NOL4: variants seen among roughly 807,000 people sequenced by gnomAD.
NOL4 encodes nucleolar protein 4.
Under a neutral mutation model 75.9 loss-of-function variants are expected in NOL4, and 17 were observed. The observed-to-expected ratio is 0.22, with a 90% CI of 0.15 to 0.34. NOL4 has a LOEUF of 0.34. Ranked by LOEUF, NOL4 falls within the 10% of genes least tolerant of loss-of-function variation. The pLI, the probability that NOL4 is intolerant of heterozygous loss-of-function variation, is 1.00. For missense variants in NOL4, 614 were observed against 793.5 expected (o/e 0.77, Z 2.72); for synonymous variants, 292 against 289.9 (o/e 1.01, Z -0.07).
At chr18:34,088,123 C>T (rs141032714) in intron 5 of NOL4, among the ~76,000 whole-genome samples, 84 of 151,856 alleles carry the variant, frequency 5.5e-4, no homozygotes, top group African/African-American at 1.6e-3. Context: ...TACAAAATAT[C>T]AATAGTTTAC....
chr18:33,933,638 C>T lies in NOL4; in HGVS notation c.1542+9427G>A, dbSNP rs1300481091. 2.0e-5 allele frequency among the ~76,000 whole-genome samples: 3 copies of T among 152,156 alleles called. No individual in the cohort carries two copies. The South Asian group carries it at 6.2e-4, about 32-fold the overall frequency. ...TCTATCTCAAGAAACCACTTTTACG[C>T]TCAGCTATAAAAAGCAACTTTTCAT... On this transcript the variant is annotated intron_variant, in intron 9 of 10. Transcript: ENST00000261592.
chr18:34,179,489 G>T (rs1355987152), intron 1 of NOL4, among the ~76,000 whole-genome samples: 1 of 150,548 alleles, frequency 6.6e-6, no homozygotes, highest in Admixed American at 6.6e-5. Flanking sequence ...TTTAAAGAAA[G>T]AAAATACTCA....
intron 5 of NOL4, among the ~76,000 whole-genome samples, chr18:34,035,112 T>C (rs2075826004): frequency 6.6e-6 from 1 of 152,042 alleles, no homozygotes; most frequent in Non-Finnish European, 1.5e-5. Context: ...CAAATAAACC[T>C]AACAGACATT....
chr18:33,947,582 T>C (rs548672164), intron 8 of NOL4, among the ~76,000 whole-genome samples: 2 of 151,080 alleles, frequency 1.3e-5, no homozygotes, highest in African/African-American at 4.9e-5. Context: ...TCTTTCTCTA[T>C]CTATATCTTA....
At chr18:33,982,037 G>A (rs2072003652) in intron 6 of NOL4, among the ~76,000 whole-genome samples, 1 of 151,870 alleles carries the variant, frequency 6.6e-6, no homozygotes, top group Non-Finnish European at 1.5e-5. Flanking sequence ...ACTAGAAACA[G>A]TAAAAATAAA....
chr18:34,145,127 C>T (rs2081344826), intron 1 of NOL4, among the ~76,000 whole-genome samples: 1 of 151,998 alleles, frequency 6.6e-6, no homozygotes. Context: ...GGATAGTTTG[C>T]ATGCATTTTC....
At chr18:33,872,558 C>T (rs1034720629) in intron 10 of NOL4, among the ~76,000 whole-genome samples, 1 of 151,862 alleles carries the variant, frequency 6.6e-6, no homozygotes, top group Non-Finnish European at 1.5e-5. Context: ...GACAAAATGA[C>T]CCAAAGGCCA....
At chr18:34,112,031 G>A (rs567590129) in intron 2 of NOL4, among the ~76,000 whole-genome samples, 1 of 152,114 alleles carries the variant, frequency 6.6e-6, no homozygotes, top group Non-Finnish European at 1.5e-5. Flanking sequence ...AGAGATATCT[G>A]CACTCCTATG....
chr18:34,005,060 ATCTT>A (rs2073958803), intron 6 of NOL4, among the ~76,000 whole-genome samples: 1 of 152,124 alleles, frequency 6.6e-6, no homozygotes, highest in Non-Finnish European at 1.5e-5. Context: ...TACCAACTTT[ATCTT>A]ATATTTTATT....
At chr18:33,883,219 A>C (rs758482888) in intron 10 of NOL4, 25 bp downstream of exon 10, 8 of 1,537,552 alleles carry the variant, frequency 5.2e-6, no homozygotes, top group East Asian at 2.3e-5. Context: ...TTAAAAAAAA[A>C]ACACAATCTA....
intron 6 of NOL4, among the ~76,000 whole-genome samples, chr18:33,987,928 A>C (rs150281886): frequency 6.6e-6 from 1 of 152,174 alleles, no homozygotes; most frequent in Non-Finnish European, 1.5e-5. Flanking sequence ...GTGAAGTGAA[A>C]GCACCCTCCC....
At chr18:34,024,192 A>ATATATATATAT (rs1215950663) in intron 5 of NOL4, among the ~76,000 whole-genome samples, 3 of 76,170 alleles carry the variant, frequency 3.9e-5, no homozygotes, top group Non-Finnish European at 8.8e-5. Context: ...AAAAAAAAAA[A>ATATATATATAT]AAATATATAT....
chr18:34,051,934 T>G (rs2076640998), intron 5 of NOL4, among the ~76,000 whole-genome samples: 1 of 151,784 alleles, frequency 6.6e-6, no homozygotes, highest in African/African-American at 2.4e-5. Flanking sequence ...TAATGCAAAT[T>G]GATAAGGGCC....
chr18:34,028,357 A>T (rs1473202182), intron 5 of NOL4, among the ~76,000 whole-genome samples: 1 of 152,218 alleles, frequency 6.6e-6, no homozygotes, highest in African/African-American at 2.4e-5. Context: ...CAGGATCCTT[A>T]TTTAGTGGTT....
chr18:33,997,062 TA>T (rs1432258823), intron 6 of NOL4, among the ~76,000 whole-genome samples: 2 of 151,964 alleles, frequency 1.3e-5, no homozygotes, highest in Non-Finnish European at 2.9e-5. Context: ...TTTCTGTTGA[TA>T]ATTTATTTTG....
intron 6 of NOL4, among the ~76,000 whole-genome samples, chr18:33,974,758 A>G (rs2071360847): frequency 6.7e-6 from 1 of 150,250 alleles, no homozygotes; most frequent in Non-Finnish European, 1.5e-5. Context: ...TTAAATTTGC[A>G]AAAAAAAAAT....
chr18:34,069,954 C>T (rs906707093), intron 5 of NOL4, among the ~76,000 whole-genome samples: 2 of 152,222 alleles, frequency 1.3e-5, no homozygotes, highest in African/African-American at 4.8e-5. Flanking sequence ...ATAAGATACC[C>T]CAGTTCTAGG....
intron 5 of NOL4, among the ~76,000 whole-genome samples, chr18:34,074,703 A>G (rs1305246568): frequency 6.6e-6 from 1 of 152,082 alleles, no homozygotes; most frequent in Non-Finnish European, 1.5e-5. Context: ...ATAAACAGAT[A>G]GATACTTTTT....
At position 33,966,692 on chromosome 18, in the gene NOL4, A is replaced by T. The variant is rs569344991; in HGVS notation, c.1057-8274T>A. ...CAAATCAACAATGCAAACACCAATA[A>T]TGTTCAAGCTGAGAGCCAAATCAAG... On this transcript the variant is annotated intron_variant, in intron 6 of 10. Coordinates refer to ENST00000261592, the MANE Select transcript of NOL4 (RefSeq NM_003787.5). 2.6e-5 allele frequency among the ~76,000 whole-genome samples: 4 copies of T among 152,254 alleles called. No individual in the cohort carries two copies. In the South Asian group the frequency reaches 8.3e-4, roughly 32 times the overall value.
Sources: allele counts gnomAD v4.1 joint callset (sites outside exome capture counted in the v4.1 genomes callset), GRCh38; gene constraint gnomAD v4.1.1; transcripts MANE v1.5; gene names NCBI Gene and HGNC (gene_info 2026-07-23, HGNC 2026-07-21).